TAFA2: variants seen among roughly 807,000 people sequenced by gnomAD.
TAFA2 encodes chemokine-like protein TAFA-2.
A neutral mutation model predicts 18.8 loss-of-function variants in TAFA2; 7 were observed. The observed-to-expected ratio is 0.37, with a 90% CI of 0.21 to 0.70. The LOEUF (loss-of-function observed/expected upper bound fraction) is 0.70, where lower values mean the gene tolerates loss of function less well. Among genes scored for constraint, TAFA2 ranks in the 30% least tolerant of loss-of-function variants. TAFA2 has a pLI of 0.53. For synonymous variants in TAFA2, 60 were observed against 54.2 expected (o/e 1.11, Z -0.47); for missense variants, 122 against 158.1 (o/e 0.77, Z 1.23).
intron 1 of TAFA2, among the ~76,000 whole-genome samples, chr12:61,922,201 A>G (rs1160495468): frequency 6.6e-6 from 1 of 152,226 alleles, no homozygotes; most frequent in Non-Finnish European, 1.5e-5. Flanking sequence ...ATGTTTGTAT[A>G]CTACTGAAAA....
chr12:62,011,479 G>T (rs1246533943), intron 1 of TAFA2, among the ~76,000 whole-genome samples: 1 of 152,124 alleles, frequency 6.6e-6, no homozygotes, highest in Admixed American at 6.5e-5. Flanking sequence ...AACATGTGCT[G>T]TGTCAACTCA....
chr12:61,894,869 G>T (rs1487948380), intron 1 of TAFA2, among the ~76,000 whole-genome samples: 1 of 152,168 alleles, frequency 6.6e-6, no homozygotes, highest in Non-Finnish European at 1.5e-5. Flanking sequence ...AAATATGGAT[G>T]CAGAAAAACT....
At chr12:62,197,399 C>G (rs2062653437), upstream of TAFA2, among the ~76,000 whole-genome samples, 1 of 152,202 alleles carries the variant, frequency 6.6e-6, no homozygotes, top group Non-Finnish European at 1.5e-5. Context: ...CGCTAAAAAT[C>G]ACTTTGGTGC....
chr12:61,791,393 A>G (rs1870972808), intron 2 of TAFA2, among the ~76,000 whole-genome samples: 1 of 151,862 alleles, frequency 6.6e-6, no homozygotes, highest in Admixed American at 6.6e-5. Context: ...CATACAAAAA[A>G]GCTTCAGCAT....
At chr12:61,904,770 G>GA (rs953280156) in intron 1 of TAFA2, among the ~76,000 whole-genome samples, 6 of 152,040 alleles carry the variant, frequency 3.9e-5, no homozygotes, top group Admixed American at 6.6e-5. Flanking sequence ...GGTCCCACTG[G>GA]AAAAAAATCA....
intron 1 of TAFA2, among the ~76,000 whole-genome samples, chr12:62,121,432 CAG>C (rs1185927271): frequency 6.6e-6 from 1 of 152,148 alleles, no homozygotes; most frequent in Non-Finnish European, 1.5e-5. Context: ...TACTGAGACT[CAG>C]TGACTAAATC....
At chr12:61,936,712 A>G (rs1244288117) in intron 1 of TAFA2, among the ~76,000 whole-genome samples, 1 of 152,214 alleles carries the variant, frequency 6.6e-6, no homozygotes, top group African/African-American at 2.4e-5. Flanking sequence ...CAGCCAATAC[A>G]CTGAATAAAG....
intron 1 of TAFA2, among the ~76,000 whole-genome samples, chr12:62,058,773 C>A (rs1213248179): frequency 6.6e-6 from 1 of 152,180 alleles, no homozygotes; most frequent in Non-Finnish European, 1.5e-5. Context: ...CCAGCCTAAG[C>A]AACACAGTGA....
chr12:61,784,702 CA>C (rs61370214), intron 2 of TAFA2, among the ~76,000 whole-genome samples: 4 of 147,994 alleles, frequency 2.7e-5, no homozygotes, highest in East Asian at 2.0e-4. Flanking sequence ...TCCCATTTTT[CA>C]AAAAAAAAAA....
At chr12:61,922,555 G>A (rs1877099178) in intron 1 of TAFA2, among the ~76,000 whole-genome samples, 1 of 152,208 alleles carries the variant, frequency 6.6e-6, no homozygotes, top group African/African-American at 2.4e-5. Flanking sequence ...GTGAGGGACG[G>A]TGCTATCCGG....
At chr12:61,912,907 A>G (rs1215170837) in intron 1 of TAFA2, among the ~76,000 whole-genome samples, 1 of 152,212 alleles carries the variant, frequency 6.6e-6, no homozygotes, top group South Asian at 2.1e-4. Flanking sequence ...TCAGAAAAGC[A>G]GCAGCCCTCT....
intron 1 of TAFA2, among the ~76,000 whole-genome samples, chr12:62,088,446 C>T (rs923697887): frequency 6.6e-6 from 1 of 151,878 alleles, no homozygotes; most frequent in Non-Finnish European, 1.5e-5. Flanking sequence ...TGTCCCCGGT[C>T]CTTCTGCTCA....
At chr12:61,817,447 G>C (rs1363423447) in intron 2 of TAFA2, among the ~76,000 whole-genome samples, 2 of 151,944 alleles carry the variant, frequency 1.3e-5, no homozygotes, top group Admixed American at 1.3e-4. Flanking sequence ...ATATGCCATA[G>C]AGATATAGAC....
intron 2 of TAFA2, among the ~76,000 whole-genome samples, chr12:61,777,862 C>T (rs927458824): frequency 4.0e-5 from 6 of 151,602 alleles, no homozygotes; most frequent in African/African-American, 1.5e-4. Context: ...TTCTTTTAAC[C>T]CCTGTGGAGA....
chr12:62,199,070 G>A (rs1273383246), intron 1 of TAFA2, among the ~76,000 whole-genome samples: 3 of 152,160 alleles, frequency 2.0e-5, no homozygotes, highest in Admixed American at 6.5e-5. Flanking sequence ...CATTCTTCCC[G>A]ACTCGGTTGG....
intron 1 of TAFA2, among the ~76,000 whole-genome samples, chr12:61,883,019 G>A (rs948766416): frequency 6.6e-6 from 1 of 152,138 alleles, no homozygotes; most frequent in African/African-American, 2.4e-5. Context: ...CAACCTAACT[G>A]ATCATTTAAC....
At chr12:61,995,140 A>C (rs998855064) in intron 1 of TAFA2, among the ~76,000 whole-genome samples, 1 of 152,168 alleles carries the variant, frequency 6.6e-6, no homozygotes, top group African/African-American at 2.4e-5. Context: ...AATGTTCTCC[A>C]AGGCTACACA....
chr12:61,973,616 C>T (rs1879332050), intron 1 of TAFA2, among the ~76,000 whole-genome samples: 1 of 151,554 alleles, frequency 6.6e-6, no homozygotes, highest in South Asian at 2.1e-4. Context: ...GAGGCAAAGA[C>T]CTTGTTATTT....
intron 2 of TAFA2, among the ~76,000 whole-genome samples, chr12:61,853,711 A>T (rs1592436117): frequency 6.6e-6 from 1 of 152,154 alleles, no homozygotes; most frequent in Non-Finnish European, 1.5e-5. Flanking sequence ...CCCTTCCACC[A>T]ACCTGGTAGC....
Sources: allele counts gnomAD v4.1 joint callset (sites outside exome capture counted in the v4.1 genomes callset), GRCh38; gene constraint gnomAD v4.1.1; transcripts MANE v1.5; gene names NCBI Gene and HGNC (gene_info 2026-07-23, HGNC 2026-07-21).